The following SNX16 variants were observed in gnomAD, a reference collection of about 807,000 sequenced individuals.
SNX16 encodes sorting nexin 16, also known as sorting nexin-16.
Under a neutral mutation model 36.7 loss-of-function variants are expected in SNX16, and 35 were observed. The ratio of observed to expected loss-of-function variants is 0.95; its 90% confidence interval spans 0.73 to 1.27. The LOEUF (loss-of-function observed/expected upper bound fraction) is 1.27. Ranked by LOEUF, SNX16 falls within the 50% of genes most tolerant of loss-of-function variation. The pLI, the probability that SNX16 is intolerant of heterozygous loss-of-function variation, is 0.00. For missense variants in SNX16, 367 were observed against 393.6 expected (o/e 0.93, Z 0.57); for synonymous variants, 134 against 132.0 (o/e 1.02, Z -0.10).
At chr8:81,810,688 T>A (rs1046008998) in intron 5 of SNX16, among the ~76,000 whole-genome samples, 2 of 152,198 alleles carry the variant, frequency 1.3e-5, no homozygotes, top group African/African-American at 4.8e-5. Context: ...TGGTTCTACA[T>A]CAGGAGCGAT....
rs1385983254 is a variant in SNX16, at chr8:81,807,166, AT to A, written c.682-3939del. On this transcript the variant is annotated intron_variant, in intron 5 of 7. Transcript: ENST00000345957. ...CACCCTTGTTCTGCCAGTTAATAAG[AT>A]TATTTAATTATAGTAATTAACACAA... is the stretch of plus-strand genomic sequence containing the variant. Among the ~76,000 whole-genome samples the A allele has an allele frequency of 2.0e-5, 3 of 152,222 alleles. No individual in the cohort carries two copies. In the East Asian group the frequency reaches 5.8e-4, roughly 29 times the overall value.
intron 4 of SNX16, among the ~76,000 whole-genome samples, chr8:81,819,764 C>T (rs183126051): frequency 3.6e-4 from 54 of 152,076 alleles, no homozygotes; most frequent in Admixed American, 1.2e-3. Flanking sequence ...TTATCTGCAT[C>T]CTTACTTTGA....
chr8:81,831,523 C>A (rs182833640), intron 2 of SNX16, among the ~76,000 whole-genome samples: 1 of 151,574 alleles, frequency 6.6e-6, no homozygotes, highest in Non-Finnish European at 1.5e-5. Context: ...TATGGTGAAA[C>A]CCCGCCTCTA....
At chr8:81,815,771 G>A (rs1810455428) in intron 4 of SNX16, 1 of 162,970 alleles carries the variant, frequency 6.1e-6, no homozygotes, top group Non-Finnish European at 1.4e-5. Context: ...TACCTCACTT[G>A]TTTTTGTTTC....
At chr8:81,820,237 C>T (rs1403899462) in intron 4 of SNX16, among the ~76,000 whole-genome samples, 2 of 150,980 alleles carry the variant, frequency 1.3e-5, no homozygotes, top group African/African-American at 4.9e-5. Context: ...AGGGATTTCC[C>T]CCCCTTCCTT....
intron 3 of SNX16, among the ~76,000 whole-genome samples, chr8:81,824,287 T>C (rs1348421982): frequency 6.6e-6 from 1 of 152,182 alleles, no homozygotes; most frequent in African/African-American, 2.4e-5. Flanking sequence ...CATTTGAGTA[T>C]CTTCAATGGT....
chr8:81,839,097 A>C (rs969421633), intron 2 of SNX16, among the ~76,000 whole-genome samples: 5 of 152,142 alleles, frequency 3.3e-5, no homozygotes, highest in African/African-American at 9.7e-5. Context: ...TTAAAATATC[A>C]CATGTTAGGA....
At chr8:81,830,600 A>G (rs1278380472) in intron 2 of SNX16, among the ~76,000 whole-genome samples, 3 of 149,932 alleles carry the variant, frequency 2.0e-5, no homozygotes, top group Non-Finnish European at 3.0e-5. Context: ...AAAAAAAAAA[A>G]AGAGAAATCA....
chr8:81,823,766 A>G (rs774928786), intron 4 of SNX16, 26 bp downstream of exon 4: 1 of 1,551,664 alleles, frequency 6.4e-7, no homozygotes, highest in Non-Finnish European at 8.7e-7. Flanking sequence ...TGCTTTTATA[A>G]TCTCTTATTT....
At chr8:81,837,951 T>A (rs1323508595) in intron 2 of SNX16, among the ~76,000 whole-genome samples, 4 of 152,202 alleles carry the variant, frequency 2.6e-5, no homozygotes, top group Admixed American at 1.3e-4. Context: ...TCCCATCCTG[T>A]CATAAATTTA....
intron 3 of SNX16, among the ~76,000 whole-genome samples, chr8:81,826,776 A>G (rs1260641924): frequency 3.3e-5 from 5 of 152,244 alleles, no homozygotes; most frequent in Admixed American, 6.5e-5. Flanking sequence ...AGCACATTCA[A>G]TAATTTTTGT....
At chr8:81,808,925 A>G (rs1397646934) in intron 5 of SNX16, among the ~76,000 whole-genome samples, 1 of 152,142 alleles carries the variant, frequency 6.6e-6, no homozygotes, top group Non-Finnish European at 1.5e-5. Context: ...TAATTGTATA[A>G]CAGGTTATTT....
chr8:81,805,499 T>A (rs773144174), intron 5 of SNX16, among the ~76,000 whole-genome samples: 1 of 152,098 alleles, frequency 6.6e-6, no homozygotes, highest in South Asian at 2.1e-4. Flanking sequence ...AGGCAAAAAG[T>A]GGTTCTTTGA....
intron 5 of SNX16, chr8:81,807,684 A>C (rs1810029483): frequency 7.3e-6 from 4 of 547,354 alleles, no homozygotes; most frequent in Non-Finnish European, 1.0e-5. Flanking sequence ...AAGTTAAATC[A>C]ATTAAAAGAT....
Position 81,839,597 on chromosome 8 carries a change from G to T in SNX16, c.375+15C>A, listed in dbSNP as rs772110894. The T allele has an allele frequency of 1.3e-6, 2 of 1,596,686 alleles. No homozygotes were observed. The highest frequency in any genetic ancestry group is 3.4e-5 in the Admixed American group (2 of 58,576). On this transcript the variant is annotated intron_variant, in intron 2 of 7. Transcript: ENST00000345957. ...TTTCACTTTGTAGTGTTATACAGCA[G>T]AAGTCAATACTTACAGTAAATTTAG...
In SNX16 at chr8:81,829,397, G is replaced by T. The variant is rs1214401645; in HGVS notation, c.462+33C>A. On this transcript the variant is annotated intron_variant, in intron 3 of 7. Coordinates refer to ENST00000345957, the MANE Select transcript of SNX16 (RefSeq NM_152836.3). Reference sequence around the variant, plus strand: ...AGGAAACAGAAAAGAATTCAAAACTGAAATGTTAGTTTGGATTTATTATAG... The same window carrying T: ...AGGAAACAGAAAAGAATTCAAAACTTAAATGTTAGTTTGGATTTATTATAG... The T allele has an allele frequency of 7.0e-6, 7 of 1,003,366 alleles. No homozygotes were observed. The African/African-American group carries it at 8.5e-5, about 12-fold the overall frequency. 62.2% of individuals were successfully genotyped at this position (1,003,366 alleles called of 1,614,324 possible).
At chr8:81,819,828 T>C (rs1810654026) in intron 4 of SNX16, among the ~76,000 whole-genome samples, 1 of 152,194 alleles carries the variant, frequency 6.6e-6, no homozygotes, top group African/African-American at 2.4e-5. Flanking sequence ...AAATCAATAG[T>C]CCTTAACATC....
At chr8:81,815,933 C>A (rs954173751) in intron 4 of SNX16, among the ~76,000 whole-genome samples, 1 of 152,080 alleles carries the variant, frequency 6.6e-6, no homozygotes, top group African/African-American at 2.4e-5. Context: ...TAAATGACCA[C>A]AAATTTTAAA....
At chr8:81,833,168 A>G (rs1254571662) in intron 2 of SNX16, among the ~76,000 whole-genome samples, 1 of 141,010 alleles carries the variant, frequency 7.1e-6, no homozygotes, top group Non-Finnish European at 1.6e-5. Flanking sequence ...AATTTCACCT[A>G]TTTCTTTTTT....
Sources: allele counts gnomAD v4.1 joint callset (sites outside exome capture counted in the v4.1 genomes callset), GRCh38; gene constraint gnomAD v4.1.1; transcripts MANE v1.5; gene names NCBI Gene and HGNC (gene_info 2026-07-23, HGNC 2026-07-21).